Variants in LRFN2 observed in about 807,000 individuals in gnomAD.
The protein encoded by LRFN2 is leucine rich repeat and fibronectin type III domain containing 2.
In LRFN2, 18 loss-of-function variants were observed where a neutral mutation model predicts 37.3. The observed-to-expected ratio is 0.48, with a 90% CI of 0.33 to 0.72. LRFN2 has a LOEUF of 0.72. Ranked by LOEUF, LRFN2 falls within the 30% of genes least tolerant of loss-of-function variation. The pLI, the probability that LRFN2 is intolerant of heterozygous loss-of-function variation, is 0.02. For synonymous variants in LRFN2, 556 were observed against 466.6 expected, an observed-to-expected ratio of 1.19 and a Z score of -2.47; for missense variants, 1,006 against 1,060.7, an observed-to-expected ratio of 0.95 and a Z score of 0.72.
Position 40,487,314 on chromosome 6 carries a change from A to G in LRFN2, c.-18-54183T>C, listed in dbSNP as rs367791992. 9.9e-5 allele frequency among the ~76,000 whole-genome samples: 15 copies of G among 152,098 alleles called. No individual in the cohort carries two copies. In the East Asian group the frequency reaches 1.9e-3, roughly 20 times the overall value. ...TAGATCATTTATGCCAATGAGCCCC[A>G]AGTTCATGCCCTCAGCCCTGGCTTC... is the stretch of plus-strand genomic sequence containing the variant. On this transcript the variant is annotated intron_variant, in intron 1 of 2. Coordinates refer to ENST00000338305, the MANE Select transcript of LRFN2 (RefSeq NM_020737.3).
intron 2 of LRFN2, among the ~76,000 whole-genome samples, chr6:40,427,837 G>T (rs989733168): frequency 2.0e-5 from 3 of 152,118 alleles, no homozygotes; most frequent in Admixed American, 6.6e-5. Context: ...TCATCTACTT[G>T]CTCCTTTAGT....
intron 1 of LRFN2, among the ~76,000 whole-genome samples, chr6:40,510,591 T>C (rs1252411501): frequency 6.6e-6 from 1 of 152,152 alleles, no homozygotes; most frequent in East Asian, 1.9e-4. Context: ...TGAGGCACAG[T>C]GAGGAGTGGG....
At chr6:40,484,870 A>G (rs1203362765) in intron 1 of LRFN2, among the ~76,000 whole-genome samples, 1 of 152,232 alleles carries the variant, frequency 6.6e-6, no homozygotes, top group Non-Finnish European at 1.5e-5. Flanking sequence ...TCTGCCATCC[A>G]TACTTGCTCC....
intron 1 of LRFN2, among the ~76,000 whole-genome samples, chr6:40,485,007 T>C (rs559363042): frequency 1.3e-5 from 2 of 152,180 alleles, no homozygotes; most frequent in Non-Finnish European, 2.9e-5. Context: ...CAAAAAAGGA[T>C]TTGAGGCACT....
In LRFN2 at chr6:40,469,151, T is replaced by C. The variant is rs1404412749; in HGVS notation, c.-18-36020A>G. On this transcript the variant is annotated intron_variant, in intron 1 of 2. Coordinates refer to ENST00000338305, the MANE Select transcript of LRFN2 (RefSeq NM_020737.3). ...GACACACAGAGAGGGGAAAAGGCCA[T>C]GTGATGACCGAGGCAGGGGTTGGAA... 2.6e-5 allele frequency among the ~76,000 whole-genome samples: 4 copies of C among 151,986 alleles called. 1 individual carries two copies. In the East Asian group the frequency reaches 7.8e-4, roughly 29 times the overall value.
At chr6:40,572,566 C>A (rs1767208046) in intron 1 of LRFN2, among the ~76,000 whole-genome samples, 1 of 152,246 alleles carries the variant, frequency 6.6e-6, no homozygotes. Context: ...TAAAGCACCA[C>A]CAGCCCAGCA....
intron 1 of LRFN2, among the ~76,000 whole-genome samples, chr6:40,584,780 G>C (rs1174658437): frequency 1.3e-5 from 2 of 151,664 alleles, no homozygotes; most frequent in African/African-American, 2.4e-5. Context: ...GGCTGAAGAG[G>C]CTTGGCAAAC....
rs923624442 is a variant in LRFN2, at chr6:40,505,619, C to T, written c.-18-72488G>A. ...TGAGGAAACAGAATCTGGCCCTTTCCGCTACCCCTCATCGTGGGGTGGAGG... is the reference window on the plus strand; with the variant it reads ...TGAGGAAACAGAATCTGGCCCTTTCTGCTACCCCTCATCGTGGGGTGGAGG... On this transcript the variant is annotated intron_variant, in intron 1 of 2. Transcript: ENST00000338305. 8.5e-5 allele frequency among the ~76,000 whole-genome samples: 13 copies of T among 152,308 alleles called. No individual in the cohort carries two copies. In the South Asian group the frequency reaches 1.2e-3, roughly 15 times the overall value.
chr6:40,511,460 G>C (rs540954708), intron 1 of LRFN2, among the ~76,000 whole-genome samples: 2 of 152,304 alleles, frequency 1.3e-5, no homozygotes, highest in African/African-American at 4.8e-5. Context: ...GTTATCCACG[G>C]GAAGTAGGGG....
chr6:40,497,674 C>T (rs1458659914), intron 1 of LRFN2, among the ~76,000 whole-genome samples: 1 of 152,124 alleles, frequency 6.6e-6, no homozygotes, highest in African/African-American at 2.4e-5. Flanking sequence ...CCTCAGTTTC[C>T]ACACCTGCAT....
At chr6:40,436,188 C>A (rs919189833) in intron 1 of LRFN2, among the ~76,000 whole-genome samples, 1 of 152,126 alleles carries the variant, frequency 6.6e-6, no homozygotes, top group South Asian at 2.1e-4. Flanking sequence ...AAATCTGGTG[C>A]GTATTTTACC....
chr6:40,509,042 C>T (rs1010101271), intron 1 of LRFN2, among the ~76,000 whole-genome samples: 1 of 152,230 alleles, frequency 6.6e-6, no homozygotes. Context: ...GAGGTCTGCA[C>T]TAGAGATGTG....
At chr6:40,414,229 T>TG (rs979181692) in intron 2 of LRFN2, among the ~76,000 whole-genome samples, 26 of 152,154 alleles carry the variant, frequency 1.7e-4, no homozygotes, top group Non-Finnish European at 3.4e-4. Flanking sequence ...TGAAGGTGCC[T>TG]GGTGCAGTGG....
intron 1 of LRFN2, among the ~76,000 whole-genome samples, chr6:40,499,449 T>C (rs1193051002): frequency 6.6e-6 from 1 of 152,178 alleles, no homozygotes; most frequent in Non-Finnish European, 1.5e-5. Context: ...GGCGGAAAGC[T>C]GACTCCCAGG....
At chr6:40,427,462 C>T (rs1460244391) in intron 2 of LRFN2, among the ~76,000 whole-genome samples, 2 of 152,216 alleles carry the variant, frequency 1.3e-5, no homozygotes, top group Non-Finnish European at 2.9e-5. Context: ...TCCAGAGATG[C>T]TGGTCCAGCC....
At chr6:40,435,027 A>G (rs1467669304) in intron 1 of LRFN2, among the ~76,000 whole-genome samples, 1 of 78,724 alleles carries the variant, frequency 1.3e-5, no homozygotes, top group African/African-American at 5.5e-5. Context: ...ATATATATAT[A>G]TATATATATA....
intron 2 of LRFN2, among the ~76,000 whole-genome samples, chr6:40,414,507 GA>G (rs1763052117): frequency 6.6e-6 from 1 of 152,192 alleles, no homozygotes; most frequent in Non-Finnish European, 1.5e-5. Context: ...TAATTTCTCA[GA>G]AAGGTTGACT....
chr6:40,457,815 C>T (rs1561863848), intron 1 of LRFN2, among the ~76,000 whole-genome samples: 1 of 152,110 alleles, frequency 6.6e-6, no homozygotes, highest in African/African-American at 2.4e-5. Flanking sequence ...AGCGCTCTTG[C>T]AGGTCTGAGA....
At chr6:40,526,872 G>A (rs548608113) in intron 1 of LRFN2, among the ~76,000 whole-genome samples, 33 of 152,224 alleles carry the variant, frequency 2.2e-4, no homozygotes, top group Non-Finnish European at 4.1e-4. Context: ...GGGAGACGGT[G>A]CAGCCAGATT....
Sources: gnomAD v4.1 joint callset for allele counts (sites outside exome capture counted in the v4.1 genomes callset) on GRCh38, gnomAD v4.1.1 for gene constraint, MANE v1.5 for transcripts, NCBI Gene and HGNC (gene_info 2026-07-23, HGNC 2026-07-21) for gene names.